The following ADAMTS7 variants were observed in gnomAD, a reference collection of about 807,000 sequenced individuals.
ADAMTS7 encodes the protein A disintegrin and metalloproteinase with thrombospondin motifs 7.
Under a neutral mutation model 172.6 loss-of-function variants are expected in ADAMTS7, and 89 were observed. That is an observed-to-expected ratio of 0.52 (90% CI 0.43 to 0.61). ADAMTS7 has a LOEUF of 0.61. Ranked by LOEUF, ADAMTS7 falls within the 20% of genes least tolerant of loss-of-function variation. ADAMTS7 has a pLI of 0.00. For missense variants in ADAMTS7, 1,973 were observed against 2,355.6 expected (o/e 0.84, Z 3.36); for synonymous variants, 885 against 978.4 (o/e 0.90, Z 1.78).
At chr15:78,810,299 C>A (rs538685616) in intron 1 of ADAMTS7, among the ~76,000 whole-genome samples, 1 of 152,364 alleles carries the variant, frequency 6.6e-6, no homozygotes, top group South Asian at 2.1e-4. Context: ...CACTATCCAC[C>A]GGCTCCCCTG....
In ADAMTS7 at chr15:78,764,716, C is replaced by A. The variant is rs1210042047; in HGVS notation, c.4267-9G>T. 1.2e-5 allele frequency: 18 copies of A among 1,494,404 alleles called. No individual in the cohort carries two copies. The highest frequency in any genetic ancestry group is 2.4e-5 in the East Asian group (1 of 41,256). 92.6% of individuals were successfully genotyped at this position (1,494,404 alleles called of 1,614,324 possible). A position where few individuals can be genotyped will look rare whatever the true frequency, so the allele number is the denominator to read the frequency against. On this transcript the variant is annotated splice_polypyrimidine_tract_variant and intron_variant, in intron 19 of 23. Transcript: ENST00000388820. Reference sequence around the variant, plus strand: ...CCACAGGTGGTAGAGCACTGCGGGGCAGAGACCCGTGAAAGCCAGGCAGAT... The same window carrying A: ...CCACAGGTGGTAGAGCACTGCGGGGAAGAGACCCGTGAAAGCCAGGCAGAT...
At chr15:78,784,384 G>T (rs2055472700) in intron 8 of ADAMTS7, among the ~76,000 whole-genome samples, 1 of 107,522 alleles carries the variant, frequency 9.3e-6, no homozygotes, top group African/African-American at 3.4e-5. Flanking sequence ...GACAGAGAGA[G>T]AGAGGGAGAG....
chr15:78,793,551 G>A (rs1460726918), intron 4 of ADAMTS7, among the ~76,000 whole-genome samples: 2 of 152,020 alleles, frequency 1.3e-5, no homozygotes, highest in Non-Finnish European at 2.9e-5. Flanking sequence ...TTAACCCTGT[G>A]TGGCCAAACT....
At chr15:78,769,078 C>A (rs1481428577) in intron 16 of ADAMTS7, among the ~76,000 whole-genome samples, 4 of 152,206 alleles carry the variant, frequency 2.6e-5, no homozygotes, top group Non-Finnish European at 5.9e-5. Context: ...ACCATCCACA[C>A]CCTTCCCAAT....
chr15:78,769,932 C>T (rs540392425), intron 16 of ADAMTS7, among the ~76,000 whole-genome samples: 13 of 152,166 alleles, frequency 8.5e-5, no homozygotes, highest in African/African-American at 2.4e-4. Context: ...GAAGCCAAGG[C>T]GGGCAAATCA....
chr15:78,776,584 GC>G, intron 10 of ADAMTS7, 164 bp downstream of exon 10: 1 of 859,338 alleles, frequency 1.2e-6, no homozygotes. Context: ...TCAAGCCCTG[GC>G]CCCAATGCCT....
intron 22 of ADAMTS7, among the ~76,000 whole-genome samples, chr15:78,763,186 C>G (rs1228907676): frequency 6.6e-6 from 1 of 152,218 alleles, no homozygotes; most frequent in Non-Finnish European, 1.5e-5. Context: ...AGCAACCTGC[C>G]CAGAGTCACT....
At chr15:78,793,157 C>T (rs1473369787) in intron 4 of ADAMTS7, among the ~76,000 whole-genome samples, 2 of 152,124 alleles carry the variant, frequency 1.3e-5, no homozygotes, top group Non-Finnish European at 2.9e-5. Context: ...GCACAATTAT[C>T]CTCGTTTTAC....
Position 78,774,526 on chromosome 15 carries a change from G to A in ADAMTS7, c.1876+98C>T. The A allele has an allele frequency of 1.9e-6, 3 of 1,573,450 alleles. No homozygotes were observed. The Admixed American group carries it at 5.1e-5, about 27-fold the overall frequency. On this transcript the variant is annotated intron_variant, in intron 12 of 23. Transcript: ENST00000388820. ...ACAGTGGGAGTGGCCCAGGCTTGGG[G>A]TGAAGACTGGGCCTCCTGCTCGCAT... is the stretch of plus-strand genomic sequence containing the variant.
chr15:78,771,421 G>T lies in ADAMTS7; in HGVS notation c.2377-118C>A. 6.4e-7 allele frequency: 1 copy of T among 1,561,042 alleles called. No homozygotes were observed. The highest frequency in any genetic ancestry group is 8.7e-7 in the Non-Finnish European group (1 of 1,151,248). On this transcript the variant is annotated intron_variant, in intron 15 of 23. Coordinates refer to ENST00000388820, the MANE Select transcript of ADAMTS7 (RefSeq NM_014272.5). This position sits in a 1 kb window ranked among gnomAD's most constrained non-coding sequence, Gnocchi z 4.9. ...AGCTACAAGATTGGGCCATTTTAAAGATGGGGAAACTGAGGTAGAGGCCGC... is the reference window on the plus strand; with the variant it reads ...AGCTACAAGATTGGGCCATTTTAAATATGGGGAAACTGAGGTAGAGGCCGC...
At chr15:78,806,123 CACACAAAAAAAA>C (rs2055789866) in intron 1 of ADAMTS7, among the ~76,000 whole-genome samples, 1 of 20,122 alleles carries the variant, frequency 5.0e-5, no homozygotes, top group Non-Finnish European at 1.0e-4. Flanking sequence ...CACACACACA[CACACAAAAAAAA>C]AAAAAAAAAA....
At chr15:78,769,649 G>A (rs2055214338) in intron 16 of ADAMTS7, among the ~76,000 whole-genome samples, 1 of 152,218 alleles carries the variant, frequency 6.6e-6, no homozygotes, top group Non-Finnish European at 1.5e-5. Context: ...GTGTGGCTGA[G>A]GGCCAGTCAG....
rs533985683 is a variant in ADAMTS7 at position 78,809,377 on chromosome 15, AG to A, written c.100+1743del. On this transcript the variant is annotated intron_variant, in intron 1 of 23. Transcript: ENST00000388820. ...CACCAATCCTGAGGGAGTGCAGAACAGGAAGGACCCCATGCTCTATATCTAT... is the reference window on the plus strand; with the variant it reads ...CACCAATCCTGAGGGAGTGCAGAACAGAAGGACCCCATGCTCTATATCTAT... Among the ~76,000 whole-genome samples the A allele has an allele frequency of 7.2e-5, 11 of 152,262 alleles. No individual in the cohort carries two copies. The East Asian group carries it at 1.7e-3, about 24-fold the overall frequency.
chr15:78,769,688 A>G (rs1337688139), intron 16 of ADAMTS7, among the ~76,000 whole-genome samples: 1 of 152,238 alleles, frequency 6.6e-6, no homozygotes, highest in East Asian at 1.9e-4. Flanking sequence ...TAGACTGTGC[A>G]TCTGGGACTT....
chr15:78,773,952 G>C (rs1407642746), intron 13 of ADAMTS7, among the ~76,000 whole-genome samples: 1 of 152,208 alleles, frequency 6.6e-6, no homozygotes, highest in African/African-American at 2.4e-5. Context: ...CGTGGTAGGG[G>C]CTTTGCCTTA....
intron 20 of ADAMTS7, 60 bp from the exon 21 acceptor site, chr15:78,764,159 C>A: frequency 6.9e-7 from 1 of 1,447,150 alleles, no homozygotes. Flanking sequence ...GGCGTGACCC[C>A]GTGAGGTGTG....
intron 4 of ADAMTS7, among the ~76,000 whole-genome samples, chr15:78,796,277 A>G (rs1323544368): frequency 6.6e-6 from 1 of 152,156 alleles, no homozygotes; most frequent in East Asian, 1.9e-4. Context: ...TGAAGGACCC[A>G]ACTAGTCTAC....
chr15:78,795,564 T>C (rs1207588134), intron 4 of ADAMTS7, among the ~76,000 whole-genome samples: 1 of 152,118 alleles, frequency 6.6e-6, no homozygotes, highest in Non-Finnish European at 1.5e-5. Context: ...GTACTTCCTT[T>C]AGGGTTGCAG....
rs1211286727 is a variant in ADAMTS7 at position 78,811,290 on chromosome 15, G to C, written c.-70C>G. The C allele has an allele frequency of 2.5e-5, 30 of 1,218,870 alleles. No homozygotes were observed. Among genetic ancestry groups the C allele is most frequent in the Non-Finnish European group, 2.9e-5 (28 of 979,762 alleles). 75.5% of individuals were successfully genotyped at this position (1,218,870 alleles called of 1,614,324 possible). ...CGTCCGTCCCGTCCGGTCGCTGCCT[G>C]GTCCCAGGTCCGGCTCAGGACATGC... On this transcript the variant is annotated 5_prime_UTR_variant, in exon 1 of 24. Transcript: ENST00000388820.
Sources: allele counts gnomAD v4.1 joint callset (sites outside exome capture counted in the v4.1 genomes callset), GRCh38; gene constraint gnomAD v4.1.1; non-coding constraint Gnocchi (gnomAD v3.1); transcripts MANE v1.5; gene names NCBI Gene and HGNC (gene_info 2026-07-23, HGNC 2026-07-21).